The following SLC30A8 variants were observed in gnomAD, a reference collection of about 807,000 sequenced individuals.
The protein encoded by SLC30A8 is proton-coupled zinc antiporter SLC30A8.
A neutral mutation model predicts 36.9 loss-of-function variants in SLC30A8; 27 were observed. That is an observed-to-expected ratio of 0.73 (90% confidence interval 0.54 to 1.01). The LOEUF (loss-of-function observed/expected upper bound fraction) is 1.01, where lower values mean the gene tolerates loss of function less well. SLC30A8 is among the 50% of genes least tolerant of loss of function. SLC30A8 has a pLI of 0.00. For synonymous variants in SLC30A8, 164 were observed against 172.4 expected (o/e 0.95, Z 0.38); for missense variants, 439 against 452.0 (o/e 0.97, Z 0.26).
At chr8:117,119,623 A>C (rs1820602319) in intron 2 of SLC30A8, among the ~76,000 whole-genome samples, 1 of 151,906 alleles carries the variant, frequency 6.6e-6, no homozygotes, top group Non-Finnish European at 1.5e-5. Context: ...CATAATCATT[A>C]AGTTTAAGTT....
intron 3 of SLC30A8, among the ~76,000 whole-genome samples, chr8:117,157,046 T>C (rs2130996950): frequency 6.6e-6 from 1 of 152,344 alleles, no homozygotes; most frequent in Middle Eastern, 3.4e-3. Context: ...CTTTTCTCAG[T>C]GGGCAGATTG....
intron 1 of SLC30A8, among the ~76,000 whole-genome samples, chr8:117,137,427 G>A (rs1348553097): frequency 6.6e-6 from 1 of 151,944 alleles, no homozygotes. Flanking sequence ...CAAATGGAGT[G>A]TTCCATTTAT....
intron 2 of SLC30A8, among the ~76,000 whole-genome samples, chr8:117,053,458 C>T (rs1449545870): frequency 1.3e-5 from 2 of 152,124 alleles, no homozygotes; most frequent in East Asian, 3.9e-4. Context: ...AAAACAGAGG[C>T]CGTGTTGCTC....
At chr8:117,058,169 G>A (rs1357325371) in intron 2 of SLC30A8, among the ~76,000 whole-genome samples, 1 of 151,882 alleles carries the variant, frequency 6.6e-6, no homozygotes, top group African/African-American at 2.4e-5. Context: ...TATGTCTGTT[G>A]GCCATTTGTA....
intron 1 of SLC30A8, among the ~76,000 whole-genome samples, chr8:116,997,451 G>T (rs1815860168): frequency 6.6e-6 from 1 of 152,010 alleles, no homozygotes; most frequent in South Asian, 2.1e-4. Context: ...TTATTTACAA[G>T]GAAGATGATA....
upstream of SLC30A8, among the ~76,000 whole-genome samples, chr8:117,130,679 T>C (rs1328489647): frequency 3.4e-4 from 52 of 152,026 alleles, no homozygotes; most frequent in Admixed American, 3.4e-3. Context: ...TGTAATCCTC[T>C]CTTGCCTTTT....
In SLC30A8 at chr8:117,176,510, C is replaced by T. The variant is rs1350656783; in HGVS notation, c.*3829C>T. On this transcript the variant is annotated 3_prime_UTR_variant, in exon 8 of 8. Coordinates refer to ENST00000456015, the MANE Select transcript of SLC30A8 (RefSeq NM_173851.3). ...TACACACATCCCAAGCTTTACAAAT[C>T]CTGCCTGGCTTGACAGTGATGAGGC... 6.6e-6 allele frequency: 1 copy of T among 152,500 alleles called. No individual in the cohort carries two copies. Among genetic ancestry groups the T allele is most frequent in the Non-Finnish European group, 1.5e-5 (1 of 68,000 alleles). 9.4% of individuals were successfully genotyped at this position (152,500 alleles called of 1,614,324 possible). A position where few individuals can be genotyped will look rare whatever the true frequency, so the allele number is the denominator to read the frequency against.
chr8:116,965,175 T>C (rs1026661714), intron 1 of SLC30A8, among the ~76,000 whole-genome samples: 3 of 152,202 alleles, frequency 2.0e-5, no homozygotes, highest in Non-Finnish European at 4.4e-5. Flanking sequence ...TGACCTGAGA[T>C]GATCCACCCG....
upstream of SLC30A8, among the ~76,000 whole-genome samples, chr8:117,134,070 G>T (rs17745491): frequency 0.034 from 5,135 of 151,998 alleles, 210 homozygotes; most frequent in African/African-American, 0.09. Context: ...GACTTCTCCT[G>T]TCACTGCCTA....
chr8:116,981,339 T>C (rs796591848), intron 1 of SLC30A8, among the ~76,000 whole-genome samples: 53 of 152,290 alleles, frequency 3.5e-4, no homozygotes, highest in African/African-American at 1.0e-3. Flanking sequence ...CACAGTCCTC[T>C]CTTGGTTCAC....
At chr8:117,062,550 A>G (rs1818052030) in intron 2 of SLC30A8, among the ~76,000 whole-genome samples, 1 of 152,224 alleles carries the variant, frequency 6.6e-6, no homozygotes, top group African/African-American at 2.4e-5. Context: ...CCCCTGATCC[A>G]AACACCTCTC....
intron 7 of SLC30A8, among the ~76,000 whole-genome samples, chr8:117,171,674 G>T (rs1471185120): frequency 1.3e-5 from 2 of 152,100 alleles, no homozygotes; most frequent in African/African-American, 4.8e-5. Flanking sequence ...AAATTCTGTA[G>T]CCATGTGAGA....
rs138093439 is a variant in SLC30A8 at position 117,036,441 on chromosome 8, G to A, written c.-265-2778G>A. 2.3e-3 allele frequency among the ~76,000 whole-genome samples: 354 copies of A among 152,202 alleles called. 1 individual carries two copies. The highest frequency in any genetic ancestry group is 8.2e-3 in the African/African-American group (340 of 41,512). On this transcript the variant is annotated intron_variant, in intron 1 of 10. Transcript: ENST00000427715. ...CCCAAACTCCTGGTACCAATTTCCT[G>A]TATTAGTCTGTTCTCATATTGCTAT... is the stretch of plus-strand genomic sequence containing the variant.
intron 2 of SLC30A8, among the ~76,000 whole-genome samples, chr8:117,097,898 T>C (rs1308735468): frequency 1.0e-5 from 1 of 97,538 alleles, no homozygotes; most frequent in Non-Finnish European, 1.8e-5. Flanking sequence ...ATATATATTA[T>C]ATATAATATA....
At chr8:117,091,139 A>G (rs1819105176) in intron 2 of SLC30A8, among the ~76,000 whole-genome samples, 1 of 152,134 alleles carries the variant, frequency 6.6e-6, no homozygotes, top group Non-Finnish European at 1.5e-5. Flanking sequence ...GCAAAATCAC[A>G]GAAATCTTTC....
At chr8:117,035,604 G>A (rs9643113) in intron 1 of SLC30A8, among the ~76,000 whole-genome samples, 1 of 152,050 alleles carries the variant, frequency 6.6e-6, no homozygotes, top group South Asian at 2.1e-4. Flanking sequence ...ACAGTTCCAC[G>A]AAGCAGTGCC....
chr8:117,027,136 T>C (rs1168171125), intron 1 of SLC30A8, among the ~76,000 whole-genome samples: 4 of 152,108 alleles, frequency 2.6e-5, no homozygotes, highest in Admixed American at 2.6e-4. Context: ...ACATGGTGTA[T>C]TTTTCTGGCT....
chr8:117,077,074 T>G (rs1818512585), intron 2 of SLC30A8, among the ~76,000 whole-genome samples: 1 of 152,178 alleles, frequency 6.6e-6, no homozygotes, highest in Admixed American at 6.5e-5. Flanking sequence ...TATTAGCAAA[T>G]GTAGCTCTTG....
intron 1 of SLC30A8, among the ~76,000 whole-genome samples, chr8:117,015,025 A>ATG (rs1465602507): frequency 6.6e-6 from 1 of 150,576 alleles, no homozygotes; most frequent in East Asian, 1.9e-4. Flanking sequence ...ATATATATAT[A>ATG]TATAGATATA....
Sources: gnomAD v4.1 joint callset for allele counts (sites outside exome capture counted in the v4.1 genomes callset) on GRCh38, gnomAD v4.1.1 for gene constraint, MANE v1.5 for transcripts, NCBI Gene and HGNC (gene_info 2026-07-23, HGNC 2026-07-21) for gene names.